The following ERO1B variants were observed in gnomAD, a reference collection of about 807,000 sequenced individuals.
The protein encoded by ERO1B is ERO1-like protein beta.
In ERO1B, 49 loss-of-function variants were observed where a neutral mutation model predicts 75.3. The ratio of observed to expected loss-of-function variants is 0.65; its 90% confidence interval spans 0.52 to 0.83. The LOEUF is 0.83. Ranked by LOEUF, ERO1B falls within the 40% of genes least tolerant of loss-of-function variation. The pLI is 0.00. For missense variants in ERO1B, 512 were observed against 560.1 expected, an observed-to-expected ratio of 0.91 and a Z score of 0.87; for synonymous variants, 191 against 192.9, an observed-to-expected ratio of 0.99 and a Z score of 0.08.
In ERO1B at chr1:236,217,601, C is replaced by T. The variant is rs41308206; in HGVS notation, c.*915G>A. On this transcript the variant is annotated 3_prime_UTR_variant, in exon 16 of 16. Coordinates refer to ENST00000354619, the MANE Select transcript of ERO1B (RefSeq NM_019891.4). Reference sequence around the variant, plus strand: ...GCAAATTTTGTGTATATAATATTTTCAATTGGCATTATAAATTCATATAAT... The same window carrying T: ...GCAAATTTTGTGTATATAATATTTTTAATTGGCATTATAAATTCATATAAT... The T allele has an allele frequency of 0.013, 1,977 of 152,622 alleles. 24 individuals are homozygous for T. The highest frequency in any genetic ancestry group is 0.02 in the Non-Finnish European group (1,354 of 67,978). The allele number at this position is 152,622 out of a possible 1,614,324, so 9.5% of individuals were successfully genotyped here. A position where few individuals can be genotyped will look rare whatever the true frequency, so the allele number is the denominator to read the frequency against.
chr1:236,234,184 C>T (rs1343918159), intron 8 of ERO1B, among the ~76,000 whole-genome samples: 1 of 152,058 alleles, frequency 6.6e-6, no homozygotes, highest in African/African-American at 2.4e-5. Context: ...TTCTCTTTAC[C>T]TAGTCTTGTC....
At chr1:236,261,010 A>C in intron 2 of ERO1B, among the ~76,000 whole-genome samples, 1 of 141,278 alleles carries the variant, frequency 7.1e-6, no homozygotes, top group African/African-American at 2.5e-5. Context: ...AGTTTGATGT[A>C]CATAAATCAA....
In ERO1B at chr1:236,252,812, GACTA is replaced by G. The variant is rs201970888; in HGVS notation, c.306+606_306+609del. 9.5e-3 allele frequency among the ~76,000 whole-genome samples: 1,443 copies of G among 152,230 alleles called. 22 individuals carry two copies. The highest frequency in any genetic ancestry group is 0.032 in the African/African-American group (1,338 of 41,556). ...ACAGATTTTTAAGGACAACAAACTA[GACTA>G]ACTGATTAGGTAAGAAAAGCAGAAA... On this transcript the variant is annotated intron_variant, in intron 3 of 15. Transcript: ENST00000354619.
intron 4 of ERO1B, among the ~76,000 whole-genome samples, chr1:236,251,262 C>T (rs1665019260): frequency 6.6e-6 from 1 of 151,580 alleles, no homozygotes; most frequent in African/African-American, 2.4e-5. Context: ...GATACACATG[C>T]AATAAAAGTG....
chr1:236,248,733 A>G (rs1664944453), intron 5 of ERO1B, among the ~76,000 whole-genome samples: 1 of 152,162 alleles, frequency 6.6e-6, no homozygotes, highest in Admixed American at 6.6e-5. Flanking sequence ...ATATAAAAAC[A>G]AAAACAGACT....
chr1:236,239,005 C>T (rs970350515), intron 6 of ERO1B, among the ~76,000 whole-genome samples: 5 of 152,160 alleles, frequency 3.3e-5, no homozygotes, highest in African/African-American at 1.2e-4. Flanking sequence ...AGGCTGGACT[C>T]GAACTCCTGA....
chr1:236,281,346 C>G (rs77163135), intron 1 of ERO1B: 3,878 of 197,050 alleles, frequency 0.02, 134 homozygotes, highest in African/African-American at 0.08. Context: ...GCAAGACAGC[C>G]GAGGTGGTTC....
chr1:236,281,403 G>A (rs1029456594), intron 1 of ERO1B: 11 of 304,260 alleles, frequency 3.6e-5, no homozygotes, highest in Non-Finnish European at 5.4e-5. Context: ...TAACACATCC[G>A]AGAGGAAAAA....
intron 5 of ERO1B, among the ~76,000 whole-genome samples, chr1:236,244,406 A>AT (rs1372118869): frequency 6.6e-6 from 1 of 152,136 alleles, no homozygotes; most frequent in Non-Finnish European, 1.5e-5. Context: ...TTACTGTGGA[A>AT]TTTTTTTCCC....
rs1349156793 is a variant in ERO1B at position 236,215,465 on chromosome 1, C to T, written c.*3051G>A. On this transcript the variant is annotated 3_prime_UTR_variant, in exon 16 of 16. Coordinates refer to ENST00000354619, the MANE Select transcript of ERO1B (RefSeq NM_019891.4). ...AACAACCTCAGACTACTTATAAATA[C>T]ATTTTCTCCCTTCTCCACAGGTTAC... The T allele has an allele frequency of 2.0e-5, 3 of 152,208 alleles. No individual in the cohort carries two copies. The highest frequency in any genetic ancestry group is 7.2e-5 in the African/African-American group (3 of 41,460). The allele number at this position is 152,208 out of a possible 1,614,324, so 9.4% of individuals were successfully genotyped here.
At chr1:236,234,996 C>A (rs181697849) in intron 8 of ERO1B, among the ~76,000 whole-genome samples, 1 of 152,038 alleles carries the variant, frequency 6.6e-6, no homozygotes, top group Non-Finnish European at 1.5e-5. Context: ...TGTTACATGA[C>A]GCATAGGTTA....
chr1:236,237,088 G>A lies in ERO1B; in HGVS notation c.506-690C>T, dbSNP rs114287578. 4.8e-3 allele frequency among the ~76,000 whole-genome samples: 670 copies of A among 140,628 alleles called. 6 individuals are homozygous for A. The highest frequency in any genetic ancestry group is 0.017 in the African/African-American group (642 of 38,340). 92.3% of individuals were successfully genotyped at this position (140,628 alleles called of 152,430 possible). On this transcript the variant is annotated intron_variant, in intron 6 of 15. Coordinates refer to ENST00000354619, the MANE Select transcript of ERO1B (RefSeq NM_019891.4). ...ATTTTCCATATTGAAACCCAAATGA[G>A]TATTTACCCCGATCTCCACTATTTG...
At chr1:236,219,711 T>C (rs1368771687) in intron 15 of ERO1B, among the ~76,000 whole-genome samples, 2 of 152,096 alleles carry the variant, frequency 1.3e-5, no homozygotes, top group Admixed American at 6.6e-5. Context: ...AAGCAACAGC[T>C]GAAATCCTTG....
intron 10 of ERO1B, among the ~76,000 whole-genome samples, chr1:236,226,966 CAGAAAAGT>C: frequency 6.6e-6 from 1 of 152,212 alleles, no homozygotes; most frequent in South Asian, 2.1e-4. Context: ...CTGAAAAAAG[CAGAAAAGT>C]TTGAGCAACT....
intron 12 of ERO1B, among the ~76,000 whole-genome samples, chr1:236,225,828 A>AG (rs1664264038): frequency 6.6e-6 from 1 of 152,102 alleles, no homozygotes; most frequent in Non-Finnish European, 1.5e-5. Flanking sequence ...TCAGTTACTT[A>AG]GAAGGCTGAG....
intron 9 of ERO1B, among the ~76,000 whole-genome samples, chr1:236,230,746 AAG>A (rs1402577804): frequency 6.6e-6 from 1 of 152,050 alleles, no homozygotes; most frequent in Non-Finnish European, 1.5e-5. Flanking sequence ...AAGTAACTTT[AAG>A]AGAGTGTTTT....
At chr1:236,276,391 G>A (rs577154641) in intron 1 of ERO1B, among the ~76,000 whole-genome samples, 11 of 152,298 alleles carry the variant, frequency 7.2e-5, no homozygotes, top group Admixed American at 2.0e-4. Flanking sequence ...TGAACCCTGA[G>A]GTTCAAATGA....
At chr1:236,218,601 TAGTA>T (rs767321540) in intron 15 of ERO1B, 25 bp from the exon 16 acceptor site, 180 of 1,327,882 alleles carry the variant, frequency 1.4e-4, no homozygotes, top group Non-Finnish European at 1.7e-4. Flanking sequence ...AAAAGCTTAT[TAGTA>T]AGGCTAACAT....
chr1:236,251,490 G>T, intron 4 of ERO1B: 9 of 980,134 alleles, frequency 9.2e-6, no homozygotes, highest in Non-Finnish European at 1.1e-5. Context: ...AGAGCAAGAA[G>T]AAAACGCAAA....
Sources: allele counts gnomAD v4.1 joint callset (sites outside exome capture counted in the v4.1 genomes callset), GRCh38; gene constraint gnomAD v4.1.1; transcripts MANE v1.5; gene names NCBI Gene and HGNC (gene_info 2026-07-23, HGNC 2026-07-21).